The following ZNF320 variants were observed in gnomAD, a reference collection of about 807,000 sequenced individuals.
ZNF320 encodes zinc finger gene 320.
In ZNF320, 2 loss-of-function variants were observed where a neutral mutation model predicts 6.8. That is an observed-to-expected ratio of 0.29 (90% CI 0.12 to 0.93). The LOEUF (loss-of-function observed/expected upper bound fraction) is 0.93, where lower values mean the gene tolerates loss of function less well. Among genes scored for constraint, ZNF320 ranks in the 40% least tolerant of loss-of-function variants. The probability of loss-of-function intolerance (pLI) is 0.55; values close to 1 mark genes in which losing one functional copy is unlikely to be tolerated. For synonymous variants in ZNF320, 208 were observed against 203.2 expected (o/e 1.02, Z -0.20); for missense variants, 472 against 611.0 (o/e 0.77, Z 2.40).
At chr19:52,894,970 T>A (rs1367000352) in intron 1 of ZNF320, 2 of 152,220 alleles carry the variant, frequency 1.3e-5, no homozygotes, top group Non-Finnish European at 2.9e-5. Context: ...AATGTTTTCT[T>A]CATGAACACA....
At chr19:52,869,501 C>T (rs962505778) in intron 5 of ZNF320, among the ~76,000 whole-genome samples, 1 of 152,090 alleles carries the variant, frequency 6.6e-6, no homozygotes, top group Admixed American at 6.6e-5. Flanking sequence ...AGCGCAGTGG[C>T]TCATGCCTGT....
chr19:52,894,612 G>A (rs909308389), intron 1 of ZNF320, among the ~76,000 whole-genome samples: 58 of 151,806 alleles, frequency 3.8e-4, no homozygotes, highest in African/African-American at 1.3e-3. Context: ...GGTGGCTCAC[G>A]CCTGTAATCC....
chr19:52,894,963 G>A (rs530550700), intron 1 of ZNF320: 2 of 152,358 alleles, frequency 1.3e-5, no homozygotes, highest in South Asian at 2.1e-4. Flanking sequence ...GTAAGCAAAT[G>A]TTTTCTTCAT....
In ZNF320 at chr19:52,877,604, A is replaced by C. The variant is rs11668258; in HGVS notation, c.*2992T>G. ...TCAACAGAACTATTTTAGGGTGGAG[A>C]TCTTGAGGTTCCCGGTTTGGGAGGG... On this transcript the variant is annotated 3_prime_UTR_variant, in exon 6 of 6. Transcript: ENST00000682928. The C allele has an allele frequency of 0.18, 26,809 of 152,138 alleles. 2,814 individuals are homozygous for C. The highest frequency in any genetic ancestry group is 0.28 in the South Asian group (1,348 of 4,808). 9.4% of individuals were successfully genotyped at this position (152,138 alleles called of 1,614,324 possible). A position where few individuals can be genotyped will look rare whatever the true frequency, so the allele number is the denominator to read the frequency against.
At chr19:52,883,832 G>A (rs2063996272) in intron 5 of ZNF320, 1 of 314,592 alleles carries the variant, frequency 3.2e-6, no homozygotes, top group Non-Finnish European at 6.2e-6. Flanking sequence ...CCAGGAGGCG[G>A]AGGTTGCAGT....
chr19:52,869,631 G>C (rs1300903905), intron 5 of ZNF320, among the ~76,000 whole-genome samples: 1 of 152,108 alleles, frequency 6.6e-6, no homozygotes, highest in African/African-American at 2.4e-5. Flanking sequence ...CTGCCACCCA[G>C]GTTCAAGCAA....
chr19:52,874,492 T>C (rs1397292215), downstream of ZNF320, among the ~76,000 whole-genome samples: 1 of 152,116 alleles, frequency 6.6e-6, no homozygotes, highest in African/African-American at 2.4e-5. Flanking sequence ...TGGGTTTAAA[T>C]CTATGATAAT....
chr19:52,867,908 G>A lies in ZNF320; in HGVS notation c.224-3749C>T, dbSNP rs192538033. Among the ~76,000 whole-genome samples, 100 of 152,146 alleles carry A rather than the reference G, an allele frequency of 6.6e-4. 1 individual carries two copies. The highest frequency in any genetic ancestry group is 2.3e-3 in the African/African-American group (94 of 41,520). On this transcript the variant is annotated intron_variant, in intron 5 of 5. Transcript: ENST00000673631. ...ATTACAGGCTTGAGCCACCGCACCC[G>A]GCCATTTTTTTTGTTCAGTAGATTC...
chr19:52,873,471 CTG>C (rs2063715613), downstream of ZNF320, among the ~76,000 whole-genome samples: 1 of 152,244 alleles, frequency 6.6e-6, no homozygotes, highest in South Asian at 2.1e-4. Flanking sequence ...GCACATGTTT[CTG>C]TGAGCACAGG....
downstream of ZNF320, among the ~76,000 whole-genome samples, chr19:52,875,371 G>T (rs1032884500): frequency 2.0e-5 from 3 of 152,206 alleles, no homozygotes; most frequent in African/African-American, 7.2e-5. Flanking sequence ...AGGGGACATG[G>T]GTAGGTGGGT....
chr19:52,866,235 T>TATATTTATATATATGATTATAC (rs1568694401), intron 5 of ZNF320, among the ~76,000 whole-genome samples: 25 of 58,888 alleles, frequency 4.2e-4, no homozygotes, highest in Middle Eastern at 8.8e-3. Flanking sequence ...TGATTATACA[T>TATATTTATATATATGATTATAC]ATATATATAT....
At chr19:52,871,521 A>G (rs940146483), downstream of ZNF320, among the ~76,000 whole-genome samples, 2 of 150,970 alleles carry the variant, frequency 1.3e-5, no homozygotes, top group Non-Finnish European at 3.0e-5. Flanking sequence ...TCCACTTCGG[A>G]AAAAAAAAAT....
the ZNF320 span, among the ~76,000 whole-genome samples, chr19:52,902,893 T>C: frequency 6.6e-6 from 1 of 152,212 alleles, no homozygotes; most frequent in Non-Finnish European, 1.5e-5. Context: ...AAAAACTGGA[T>C]GATACCTTTT....
At chr19:52,886,840 C>T (rs1045394580) in intron 5 of ZNF320, among the ~76,000 whole-genome samples, 2 of 151,926 alleles carry the variant, frequency 1.3e-5, no homozygotes, top group African/African-American at 4.8e-5. Context: ...AAAGGTGGGG[C>T]ACAAGAATCC....
In ZNF320 at chr19:52,865,276, C is replaced by T. The variant is rs1004674561; in HGVS notation, c.224-1117G>A. 9.9e-5 allele frequency: 20 copies of T among 201,062 alleles called. No individual in the cohort carries two copies. The Admixed American group carries it at 1.0e-3, about 10-fold the overall frequency. The allele number at this position is 201,062 out of a possible 1,614,324, so 12.5% of individuals were successfully genotyped here. A position where few individuals can be genotyped will look rare whatever the true frequency, so the allele number is the denominator to read the frequency against. The stretch of plus-strand genomic sequence containing the variant: ...GGCAGAGGTTGCAGCAAGCTGAGAT[C>T]GTGCTACTGGACTCCAGACTGGGTG... On this transcript the variant is annotated intron_variant, in intron 5 of 5. Transcript: ENST00000673631.
At chr19:52,865,369 TC>T in intron 5 of ZNF320, 1 of 321,454 alleles carries the variant, frequency 3.1e-6, no homozygotes, top group South Asian at 3.0e-5. Context: ...ACCCACAGAC[TC>T]CAGGTTCCTG....
At chr19:52,861,856 G>T in exon 6 of ZNF320, 2 of 388,774 alleles carry the variant, frequency 5.1e-6, no homozygotes, top group Non-Finnish European at 1.0e-5. Flanking sequence ...TTTCTGTCCA[G>T]TAGGGATTCT....
At chr19:52,870,217 A>ACGGTGGCT (rs2063654972) in intron 5 of ZNF320, among the ~76,000 whole-genome samples, 1 of 151,708 alleles carries the variant, frequency 6.6e-6, no homozygotes. Flanking sequence ...GCGGTGGCTC[A>ACGGTGGCT]CACCTGTAAA....
downstream of ZNF320, among the ~76,000 whole-genome samples, chr19:52,872,346 C>T (rs2063694466): frequency 6.6e-6 from 1 of 152,168 alleles, no homozygotes; most frequent in South Asian, 2.1e-4. Flanking sequence ...TGCCCCTCCA[C>T]ACCTGTGGGT....
Sources: gnomAD v4.1 joint callset for allele counts (sites outside exome capture counted in the v4.1 genomes callset) on GRCh38, gnomAD v4.1.1 for gene constraint, MANE v1.5 for transcripts, NCBI Gene and HGNC (gene_info 2026-07-23, HGNC 2026-07-21) for gene names.